Variants in ZNF236 observed in about 807,000 individuals in gnomAD.
ZNF236 encodes zinc finger protein 236, also known as regulated by glucose.
Under a neutral mutation model 191.2 loss-of-function variants are expected in ZNF236, and 50 were observed. The observed-to-expected ratio is 0.26, with a 90% CI of 0.21 to 0.33. The LOEUF (loss-of-function observed/expected upper bound fraction) is 0.33. Ranked by LOEUF, ZNF236 falls within the 10% of genes least tolerant of loss-of-function variation. The pLI, the probability that ZNF236 is intolerant of heterozygous loss-of-function variation, is 1.00. For missense variants in ZNF236, 1,754 were observed against 2,374.5 expected, an observed-to-expected ratio of 0.74 and a Z score of 5.43; for synonymous variants, 907 against 928.8, an observed-to-expected ratio of 0.98 and a Z score of 0.43.
chr18:76,850,236 A>G (rs1975819241), intron 2 of ZNF236, among the ~76,000 whole-genome samples: 1 of 152,168 alleles, frequency 6.6e-6, no homozygotes, highest in Non-Finnish European at 1.5e-5. Context: ...GTGATTGTCA[A>G]CTTTTCTCTA....
intron 1 of ZNF236, among the ~76,000 whole-genome samples, chr18:76,847,690 T>C (rs559186700): frequency 3.1e-4 from 47 of 152,228 alleles, no homozygotes; most frequent in Middle Eastern, 6.8e-3. Context: ...AGGATGGTCT[T>C]GATCTCCTGA....
intron 4 of ZNF236, among the ~76,000 whole-genome samples, chr18:76,871,452 C>T (rs533038383): frequency 2.0e-5 from 3 of 151,992 alleles, no homozygotes; most frequent in East Asian, 1.9e-4. Flanking sequence ...ATTTTGCTCC[C>T]CCTGTCCCAA....
rs1976493084 is a variant in ZNF236 at position 76,868,671 on chromosome 18, G to T, written c.364-14G>T. ...AAAGGTTTGCTCTGCTCACCGATGG[G>T]TTTTCTCTTCCAGAATCTCATCTGT... On this transcript the variant is annotated splice_polypyrimidine_tract_variant and intron_variant, in intron 3 of 30. Transcript: ENST00000320610. 6.3e-7 allele frequency: 1 copy of T among 1,584,930 alleles called. No homozygotes were observed. Among genetic ancestry groups the T allele is most frequent in the Admixed American group, 1.8e-5 (1 of 55,964 alleles).
chr18:76,883,362 C>CTTTT (rs10581368), intron 9 of ZNF236, among the ~76,000 whole-genome samples: 4 of 93,062 alleles, frequency 4.3e-5, no homozygotes, highest in Admixed American at 2.2e-4. Flanking sequence ...GGAGCCAGTG[C>CTTTT]TTTTTTTTTT....
At chr18:76,888,728 C>T (rs1479989772) in intron 9 of ZNF236, 1 of 152,274 alleles carries the variant, frequency 6.6e-6, no homozygotes, top group Non-Finnish European at 1.5e-5. Context: ...CTATCCATCC[C>T]AGGTGCTCTA....
rs774184689 is a variant in ZNF236 at position 76,910,764 on chromosome 18, C to T, written c.2758C>T (p.His920Tyr). ...GTCTCAGGCCCTCTCCACAAGCTTC[C>T]ACCAGCAGAGCTTGCTGCAGGCTCC... The part of the protein sequence containing the change: ...LESQALSTSF[H>Y]QQSLLQAPSS... Residue 920 changes from histidine (H) to tyrosine (Y), a missense_variant, in exon 16 of 31, where the codon CAC becomes TAC. Transcript: ENST00000320610. 4.3e-6 allele frequency: 7 copies of T among 1,614,154 alleles called. No homozygotes were observed. Among genetic ancestry groups the T allele is most frequent in the Non-Finnish European group, 5.9e-6 (7 of 1,180,026 alleles).
chr18:76,945,143 A>G (rs946162356), intron 26 of ZNF236, among the ~76,000 whole-genome samples: 2 of 152,216 alleles, frequency 1.3e-5, no homozygotes, highest in African/African-American at 4.8e-5. Context: ...TGCTATTTCA[A>G]AACAACAAGA....
intron 25 of ZNF236, among the ~76,000 whole-genome samples, chr18:76,933,961 G>A (rs1409504443): frequency 6.6e-6 from 1 of 152,164 alleles, no homozygotes; most frequent in Non-Finnish European, 1.5e-5. Context: ...ACTAATAATT[G>A]AAATTAAAAT....
chr18:76,943,628 A>T (rs1250757467), intron 26 of ZNF236, among the ~76,000 whole-genome samples: 3 of 152,238 alleles, frequency 2.0e-5, no homozygotes, highest in Non-Finnish European at 2.9e-5. Context: ...TGGCTTTTTA[A>T]GTCTAAATTT....
Position 76,875,364 on chromosome 18 carries a change from A to ATCTC in ZNF236, c.668-125_668-124insCTCT, listed in dbSNP as rs1285233291. 1 of 820,818 alleles carries ATCTC rather than the reference A, an allele frequency of 1.2e-6. No individual in the cohort carries two copies. Among genetic ancestry groups the ATCTC allele is most frequent in the Non-Finnish European group, 1.7e-6 (1 of 575,808 alleles). 50.8% of individuals were successfully genotyped at this position (820,818 alleles called of 1,614,324 possible). On this transcript the variant is annotated intron_variant, in intron 5 of 30. Coordinates refer to ENST00000320610, the MANE Select transcript of ZNF236 (RefSeq NM_001306089.2). This position sits in a 1 kb window ranked among gnomAD's most constrained non-coding sequence, Gnocchi z 4.3. ...TTAAAGTAGACACTTGTATATATGC[A>ATCTC]TCTAGAGTTCTGGGGAGACATTTTG...
At chr18:76,950,407 A>T (rs9961031) in intron 27 of ZNF236, among the ~76,000 whole-genome samples, 4,741 of 152,266 alleles carry the variant, frequency 0.031, 240 homozygotes, top group African/African-American at 0.11. Flanking sequence ...GCTCATCCAT[A>T]AGAAGCAACT....
intron 3 of ZNF236, among the ~76,000 whole-genome samples, chr18:76,852,254 G>A (rs1033753990): frequency 6.6e-6 from 1 of 152,204 alleles, no homozygotes; most frequent in African/African-American, 2.4e-5. Context: ...ACATTTATAC[G>A]ATTCTGCCAT....
chr18:76,864,098 C>T (rs1338551916), intron 3 of ZNF236, among the ~76,000 whole-genome samples: 3 of 151,776 alleles, frequency 2.0e-5, no homozygotes, highest in African/African-American at 7.3e-5. Context: ...TTGTCACTTA[C>T]ATTATCAGCT....
intron 13 of ZNF236, among the ~76,000 whole-genome samples, chr18:76,907,566 T>G (rs912905871): frequency 7.2e-5 from 11 of 152,192 alleles, no homozygotes; most frequent in African/African-American, 2.7e-4. Flanking sequence ...TGACCTCAGG[T>G]GATCCTCCAG....
chr18:76,957,990 T>G (rs529158507), intron 28 of ZNF236, among the ~76,000 whole-genome samples: 123 of 152,334 alleles, frequency 8.1e-4, no homozygotes, highest in African/African-American at 2.9e-3. Flanking sequence ...CAGGATTCTT[T>G]CTTTTGAAAC....
At chr18:76,879,017 T>C (rs1213412560) in intron 7 of ZNF236, among the ~76,000 whole-genome samples, 1 of 152,206 alleles carries the variant, frequency 6.6e-6, no homozygotes, top group African/African-American at 2.4e-5. Context: ...AAATGAATTA[T>C]AAAGCTGGAG....
At chr18:76,892,856 C>T (rs979160787) in intron 9 of ZNF236, among the ~76,000 whole-genome samples, 11 of 152,210 alleles carry the variant, frequency 7.2e-5, no homozygotes, top group Non-Finnish European at 1.5e-4. Context: ...CGTGAGCCAC[C>T]GCACCTGGAC....
At chr18:76,942,784 G>T (rs1968162896) in intron 26 of ZNF236, among the ~76,000 whole-genome samples, 1 of 150,774 alleles carries the variant, frequency 6.6e-6, no homozygotes, top group Non-Finnish European at 1.5e-5. Flanking sequence ...AAAGTGCTGG[G>T]ATTACAGGCA....
chr18:76,960,205 T>A lies in ZNF236; in HGVS notation c.5242+389T>A, dbSNP rs1399491797. On this transcript the variant is annotated intron_variant, in intron 29 of 30. Transcript: ENST00000320610. The surrounding 1 kb of genome is among the most constrained non-coding windows in gnomAD (Gnocchi z 4.4). The stretch of plus-strand genomic sequence containing the variant: ...TCCTCTTCTGTCTTAAAACTTTTTT[T>A]CTCTGCTGGCTTTTCCTACACCACC... 6.6e-6 allele frequency among the ~76,000 whole-genome samples: 1 copy of A among 152,162 alleles called. No individual in the cohort carries two copies. Among genetic ancestry groups the A allele is most frequent in the East Asian group, 1.9e-4 (1 of 5,194 alleles).
Sources: gnomAD v4.1 joint callset for allele counts (sites outside exome capture counted in the v4.1 genomes callset) on GRCh38, gnomAD v4.1.1 for gene constraint, Gnocchi (gnomAD v3.1) non-coding constraint, MANE v1.5 for transcripts, NCBI Gene and HGNC (gene_info 2026-07-23, HGNC 2026-07-21) for gene names.